The following FYB1 variants were observed in gnomAD, a reference collection of about 807,000 sequenced individuals.
The protein encoded by FYB1 is FYN-binding protein 1.
A neutral mutation model predicts 94.1 loss-of-function variants in FYB1; 41 were observed. The observed-to-expected ratio is 0.44, with a 90% CI of 0.34 to 0.57. The LOEUF (loss-of-function observed/expected upper bound fraction) is 0.57. Ranked by LOEUF, FYB1 falls within the 20% of genes least tolerant of loss-of-function variation. The probability of loss-of-function intolerance (pLI) is 0.02; values close to 1 mark genes in which losing one functional copy is unlikely to be tolerated. For synonymous variants in FYB1, 367 were observed against 353.2 expected, an observed-to-expected ratio of 1.04 and a Z score of -0.44; for missense variants, 1,050 against 976.8, an observed-to-expected ratio of 1.07 and a Z score of -1.00.
intron 3 of FYB1, among the ~76,000 whole-genome samples, chr5:39,142,818 C>G (rs181157335): frequency 6.6e-6 from 1 of 152,260 alleles, no homozygotes; most frequent in African/African-American, 2.4e-5. Context: ...TCCACTGGAC[C>G]CTCTCAAACT....
intron 1 of FYB1, among the ~76,000 whole-genome samples, chr5:39,210,800 C>G (rs1176417111): frequency 2.0e-5 from 3 of 152,120 alleles, no homozygotes; most frequent in African/African-American, 7.2e-5. Flanking sequence ...CGCTTGAGCC[C>G]AAGGGTTTGA....
intron 1 of FYB1, among the ~76,000 whole-genome samples, chr5:39,257,242 TG>T (rs1751977257): frequency 6.6e-6 from 1 of 152,224 alleles, no homozygotes. Flanking sequence ...AAATTTTTTA[TG>T]AGAAAAGTTA....
At chr5:39,140,235 T>C (rs10055128) in intron 4 of FYB1, among the ~76,000 whole-genome samples, 8,139 of 152,232 alleles carry the variant, frequency 0.053, 740 homozygotes, top group African/African-American at 0.19. Context: ...ATGTTTGAAG[T>C]TGACATGACA....
chr5:39,238,596 G>A (rs1164417532), intron 1 of FYB1, among the ~76,000 whole-genome samples: 1 of 151,894 alleles, frequency 6.6e-6, no homozygotes, highest in Non-Finnish European at 1.5e-5. Flanking sequence ...GTCAAATAGG[G>A]AACTATTACT....
chr5:39,270,613 C>T (rs976415077), intron 1 of FYB1: 11 of 1,532,346 alleles, frequency 7.2e-6, no homozygotes, highest in Admixed American at 3.9e-5. Flanking sequence ...ACAATGACCC[C>T]GAAGATGGTG....
chr5:39,137,275 C>T, intron 7 of FYB1: 1 of 230,008 alleles, frequency 4.3e-6, no homozygotes, highest in Non-Finnish European at 8.5e-6. Context: ...GATGCTAATT[C>T]ATAGTATAAG....
At position 39,134,217 on chromosome 5, in the gene FYB1, T is replaced by C; in HGVS notation, c.1808A>G (p.Asp603Gly). 2 of 1,609,704 alleles carry C rather than the reference T, an allele frequency of 1.2e-6. No homozygotes were observed. The highest frequency in any genetic ancestry group is 2.2e-5 in the East Asian group (1 of 44,702). Residue 603 changes from aspartate to glycine, a missense_variant, in exon 9 of 19, where the codon GAT becomes GGT. Transcript: ENST00000512982. ...EVYDDVAEQD[D>G]ISSHSQSGSG... is the part of the protein sequence containing the mutation. ...ACGTACTTGCACATACCTGCTAATA[T>C]CATCCTGCTCTGCAACATCATCATA...
At chr5:39,144,582 A>G (rs541820613) in intron 3 of FYB1, among the ~76,000 whole-genome samples, 91 of 152,294 alleles carry the variant, frequency 6.0e-4, no homozygotes, top group African/African-American at 2.2e-3. Flanking sequence ...TGGGTGGATC[A>G]TCTGAGGTCA....
intron 10 of FYB1, among the ~76,000 whole-genome samples, chr5:39,128,540 A>T (rs932691937): frequency 5.9e-5 from 9 of 152,166 alleles, no homozygotes; most frequent in Non-Finnish European, 1.5e-5. Context: ...TCATCTAAAC[A>T]AAAACACTTC....
At chr5:39,266,757 T>A (rs1752452040) in intron 1 of FYB1, among the ~76,000 whole-genome samples, 1 of 152,146 alleles carries the variant, frequency 6.6e-6, no homozygotes. Context: ...CTCATCCCAG[T>A]GGCCTCTGCA....
intron 1 of FYB1, among the ~76,000 whole-genome samples, chr5:39,228,816 A>G (rs1750595256): frequency 1.3e-5 from 2 of 152,162 alleles, no homozygotes; most frequent in Admixed American, 1.3e-4. Context: ...CTGACTTATG[A>G]TGTAATCTTT....
intron 1 of FYB1, 142 bp from the exon 2 acceptor site, chr5:39,203,129 C>T (rs1748531091): frequency 3.0e-6 from 2 of 672,292 alleles, no homozygotes; most frequent in East Asian, 2.7e-5. Flanking sequence ...ATTTATCTTC[C>T]TCTCTGGCAA....
At chr5:39,222,325 C>T (rs2542714), upstream of FYB1, among the ~76,000 whole-genome samples, 127,298 of 152,130 alleles carry the variant, frequency 0.84, 53,444 homozygotes, top group Admixed American at 0.89. Context: ...CCTGGATTTC[C>T]AGCTTGTAGT....
intron 2 of FYB1, among the ~76,000 whole-genome samples, chr5:39,183,787 G>A (rs890124068): frequency 6.6e-6 from 1 of 152,142 alleles, no homozygotes; most frequent in Non-Finnish European, 1.5e-5. Context: ...AGAATCTCCT[G>A]GGCAAGTTAT....
chr5:39,260,867 G>C (rs1752180161), intron 1 of FYB1, among the ~76,000 whole-genome samples: 1 of 152,002 alleles, frequency 6.6e-6, no homozygotes, highest in South Asian at 2.1e-4. Context: ...CTGTTTAACT[G>C]AGATATGTCC....
intron 17 of FYB1, among the ~76,000 whole-genome samples, chr5:39,109,659 T>A (rs1205142928): frequency 1.3e-5 from 2 of 152,098 alleles, no homozygotes; most frequent in Non-Finnish European, 1.5e-5. Context: ...CTGGATCTTT[T>A]CATTGTGCTA....
chr5:39,165,093 T>A (rs1744597095), intron 2 of FYB1, among the ~76,000 whole-genome samples: 1 of 152,244 alleles, frequency 6.6e-6, no homozygotes, highest in Non-Finnish European at 1.5e-5. Flanking sequence ...TATTTGCTAC[T>A]TTTGCTATGG....
chr5:39,134,277 G>T lies in FYB1; in HGVS notation c.1748C>A (p.Ala583Asp). 1 of 1,608,546 alleles carries T rather than the reference G, an allele frequency of 6.2e-7. No homozygotes were observed. Among genetic ancestry groups the T allele is most frequent in the Non-Finnish European group, 8.5e-7 (1 of 1,175,176 alleles). The change falls in exon 9 of 19, where the codon GCC (alanine) becomes GAC (aspartate). Residue 583 changes from alanine to aspartate, a missense_variant. Ala to Asp is a moderately radical substitution (Grantham distance 126). Transcript: ENST00000512982. ...GTCATCTTCAATAGGTCTTGAAGGG[G>T]CACCAAGAGAGTCTTTTTTCAGTTT... ...SLKLKKDSLGAPSRPIEDDQE... is the reference protein window; with the variant it reads ...SLKLKKDSLGDPSRPIEDDQE...
chr5:39,249,653 A>T (rs982032159), intron 1 of FYB1, among the ~76,000 whole-genome samples: 3 of 152,174 alleles, frequency 2.0e-5, no homozygotes, highest in Non-Finnish European at 4.4e-5. Flanking sequence ...AAGCCTATTG[A>T]ACATAGTTGG....
Sources: allele counts gnomAD v4.1 joint callset (sites outside exome capture counted in the v4.1 genomes callset), GRCh38; gene constraint gnomAD v4.1.1; transcripts MANE v1.5; gene names NCBI Gene and HGNC (gene_info 2026-07-23, HGNC 2026-07-21).